JAK2: variants seen among roughly 807,000 people sequenced by gnomAD.
The protein encoded by JAK2 is tyrosine-protein kinase JAK2.
Under a neutral mutation model 139.3 loss-of-function variants are expected in JAK2, and 86 were observed. The ratio of observed to expected loss-of-function variants is 0.62; its 90% CI spans 0.52 to 0.74. The LOEUF is 0.74. JAK2 is among the 30% of genes least tolerant of loss of function. The probability of loss-of-function intolerance (pLI) is 0.00; values close to 1 mark genes in which losing one functional copy is unlikely to be tolerated. For missense variants in JAK2, 1,421 were observed against 1,360.3 expected (o/e 1.04, Z -0.70); for synonymous variants, 490 against 437.7 (o/e 1.12, Z -1.49).
At chr9:5,116,495 T>A (rs1050324308) in intron 22 of JAK2, among the ~76,000 whole-genome samples, 2 of 152,322 alleles carry the variant, frequency 1.3e-5, no homozygotes, top group East Asian at 3.9e-4. Context: ...GTTTTGGCCA[T>A]ATCCCCAGTG....
chr9:5,029,985 G>T, intron 4 of JAK2, 79 bp downstream of exon 4: 1 of 1,278,246 alleles, frequency 7.8e-7, no homozygotes, highest in Non-Finnish European at 1.1e-6. Context: ...TTAATTGCAA[G>T]GTACTTAATA....
chr9:5,098,582 G>C (rs1365064486), intron 22 of JAK2: 3 of 151,908 alleles, frequency 2.0e-5, no homozygotes, highest in Admixed American at 6.6e-5. Context: ...TCATCCCTAC[G>C]TATTCTGTAT....
At chr9:5,080,498 C>T (rs770408295) in intron 17 of JAK2, 35 bp from the exon 18 acceptor site, 16 of 1,559,524 alleles carry the variant, frequency 1.0e-5, no homozygotes, top group Non-Finnish European at 1.3e-5. Context: ...TGGCATTACA[C>T]AATTTATTCT....
chr9:5,086,197 C>T lies in JAK2; in HGVS notation c.2572-3477C>T, dbSNP rs985413849. The T allele has an allele frequency of 1.3e-5, 7 of 552,126 alleles. No homozygotes were observed. In the African/African-American group the frequency reaches 1.4e-4, roughly 11 times the overall value. The allele number at this position is 552,126 out of a possible 1,614,324, so 34.2% of individuals were successfully genotyped here. On this transcript the variant is annotated intron_variant, in intron 19 of 24. Transcript: ENST00000381652. ...CCGGTCTCCAGCAACAGCCGCGCCG[C>T]CCCCGCCACCAGCGCGAGGCCACGG...
chr9:5,055,935 T>C (rs1216558683), intron 8 of JAK2, 147 bp downstream of exon 8: 2 of 649,802 alleles, frequency 3.1e-6, no homozygotes, highest in African/African-American at 3.7e-5. Flanking sequence ...AGTAAACTTT[T>C]TGATAACATC....
chr9:4,990,406 A>C (rs1400186483), intron 2 of JAK2, among the ~76,000 whole-genome samples: 5 of 152,180 alleles, frequency 3.3e-5, no homozygotes, highest in Non-Finnish European at 5.9e-5. Flanking sequence ...GGGGATGTAG[A>C]CAGTTGAGCG....
intron 15 of JAK2, 144 bp from the exon 16 acceptor site, chr9:5,078,162 T>C (rs994502602): frequency 4.3e-5 from 25 of 581,216 alleles, no homozygotes; most frequent in Middle Eastern, 4.6e-4. Context: ...AGTCATAAAT[T>C]TCCTTTTTTC....
chr9:5,026,639 T>C (rs1822800224), intron 3 of JAK2, among the ~76,000 whole-genome samples: 2 of 152,224 alleles, frequency 1.3e-5, no homozygotes, highest in Non-Finnish European at 2.9e-5. Flanking sequence ...TTAGAGAACA[T>C]GGTATGAATG....
At chr9:5,113,218 T>C (rs1330675642) in intron 22 of JAK2, among the ~76,000 whole-genome samples, 8 of 97,140 alleles carry the variant, frequency 8.2e-5, no homozygotes, top group African/African-American at 1.5e-4. Context: ...TTTTTTTTTT[T>C]TCCAGTAAAC....
intron 2 of JAK2, among the ~76,000 whole-genome samples, chr9:5,014,164 C>CTTTTT (rs200845162): frequency 2.6e-4 from 30 of 117,498 alleles, no homozygotes; most frequent in Middle Eastern, 4.9e-3. Context: ...TTTACTCTTT[C>CTTTTT]TTTTTTTTTT....
chr9:5,012,848 G>T (rs374402647), intron 2 of JAK2, among the ~76,000 whole-genome samples: 3 of 152,254 alleles, frequency 2.0e-5, no homozygotes, highest in African/African-American at 7.2e-5. Context: ...CTAAACATTC[G>T]TAAAATATGA....
chr9:5,089,740 G>A lies in JAK2; in HGVS notation c.2638G>A (p.Ala880Thr), dbSNP rs2130675007. The A allele has an allele frequency of 1.3e-6, 2 of 1,580,394 alleles. No individual in the cohort carries two copies. Among genetic ancestry groups the A allele is most frequent in the East Asian group, 2.4e-5 (1 of 42,112 alleles). The part of the protein sequence containing the change: ...PLQDNTGEVV[A>T]VKKLQHSTEE... The stretch of plus-strand genomic sequence containing the variant: ...ACAGGACAACACTGGGGAGGTGGTC[G>A]CTGTAAAAAAGCTTCAGCATAGTAC... Residue 880 changes from alanine (A) to threonine (T), a missense_variant, in exon 20 of 25, where the codon GCT becomes ACT. Ala to Thr is a moderately conservative substitution (Grantham distance 58). Transcript: ENST00000381652.
chr9:5,110,925 G>A (rs1185296484), intron 22 of JAK2: 7 of 571,954 alleles, frequency 1.2e-5, no homozygotes, highest in Non-Finnish European at 2.3e-5. Context: ...TGAACCAGCC[G>A]CAGAGGATGG....
rs1818760375 is a variant in JAK2 at position 5,069,006 on chromosome 9, A to C, written c.1327-16A>C. On this transcript the variant is annotated splice_polypyrimidine_tract_variant and intron_variant, in intron 10 of 24. Transcript: ENST00000381652. The stretch of plus-strand genomic sequence containing the variant: ...TGTGACTATCCCTCCCTTTCTTTAT[A>C]ATTAAACTTATACAGCGAGAAAATG... 1 of 1,467,622 alleles carries C rather than the reference A, an allele frequency of 6.8e-7. No homozygotes were observed. The highest frequency in any genetic ancestry group is 9.3e-7 in the Non-Finnish European group (1 of 1,072,244). The allele number at this position is 1,467,622 out of a possible 1,614,324, so 90.9% of individuals were successfully genotyped here. A position where few individuals can be genotyped will look rare whatever the true frequency, so the allele number is the denominator to read the frequency against.
Position 5,080,684 on chromosome 9 carries a change from G to T in JAK2, c.2434+1G>T. 1.9e-6 allele frequency: 3 copies of T among 1,556,162 alleles called. No homozygotes were observed. Among genetic ancestry groups the T allele is most frequent in the African/African-American group, 1.4e-5 (1 of 70,496 alleles). ...GATCTTAACAGTTTGTTTACTCCAG[G>T]TATGTATTTGAATGATCTTATTGAT... On this transcript the variant is annotated splice_donor_variant, in intron 18 of 24. Coordinates refer to ENST00000381652, the MANE Select transcript of JAK2 (RefSeq NM_004972.4). LOFTEE classifies it high-confidence loss of function.
chr9:5,060,562 A>G (rs993096683), intron 8 of JAK2, among the ~76,000 whole-genome samples: 1 of 152,176 alleles, frequency 6.6e-6, no homozygotes, highest in Non-Finnish European at 1.5e-5. Context: ...TATCTGTCCA[A>G]ATTTTATCAT....
In JAK2 at chr9:4,999,728, C is replaced by T. The variant is rs188355850; in HGVS notation, c.-26+13706C>T. Among the ~76,000 whole-genome samples, 310 of 152,290 alleles carry T rather than the reference C, an allele frequency of 2.0e-3. 3 individuals are homozygous for T. Among genetic ancestry groups the T allele is most frequent in the African/African-American group, 7.0e-3 (291 of 41,558 alleles). Reference sequence around the variant, plus strand: ...CCTCCCAAAGTGCTAGGATTACAGGCGTGAGCCCCCGTGCCTGGTGTACAT... The same window carrying T: ...CCTCCCAAAGTGCTAGGATTACAGGTGTGAGCCCCCGTGCCTGGTGTACAT... On this transcript the variant is annotated intron_variant, in intron 2 of 24. Transcript: ENST00000381652.
chr9:5,069,977 C>G lies in JAK2; in HGVS notation c.1566C>G (p.Thr522=). The change falls in exon 12 of 25, where the codon ACC becomes ACG. Residue 522 remains threonine (T), a synonymous_variant. Transcript: ENST00000381652. ...CGAATGGTGTTTCTGATGTACCAACCTCACCAACATTACAGAGGCCTACTC... is the reference window on the plus strand; with the variant it reads ...CGAATGGTGTTTCTGATGTACCAACGTCACCAACATTACAGAGGCCTACTC... The part of the protein sequence containing the change: ...FRTNGVSDVP[T]SPTLQRPTHM... The G allele has an allele frequency of 6.2e-7, 1 of 1,607,172 alleles. No individual in the cohort carries two copies. Among genetic ancestry groups the G allele is most frequent in the Non-Finnish European group, 8.5e-7 (1 of 1,174,830 alleles).
chr9:4,997,496 T>G (rs962287734), intron 2 of JAK2, among the ~76,000 whole-genome samples: 6 of 152,264 alleles, frequency 3.9e-5, no homozygotes, highest in Non-Finnish European at 8.8e-5. Context: ...AAGAACTCAG[T>G]ATCTTCAGGA....
Sources: gnomAD v4.1 joint callset for allele counts (sites outside exome capture counted in the v4.1 genomes callset) on GRCh38, gnomAD v4.1.1 for gene constraint, MANE v1.5 for transcripts, NCBI Gene and HGNC (gene_info 2026-07-23, HGNC 2026-07-21) for gene names.